BBS4: variants seen among roughly 807,000 people sequenced by gnomAD.
The protein encoded by BBS4 is BBSome complex member BBS4.
Under a neutral mutation model 71.4 loss-of-function variants are expected in BBS4, and 58 were observed. The ratio of observed to expected loss-of-function variants is 0.81; its 90% CI spans 0.66 to 1.01. The LOEUF (loss-of-function observed/expected upper bound fraction) is 1.01. Ranked by LOEUF, BBS4 falls within the 50% of genes least tolerant of loss-of-function variation. The pLI is 0.00. For synonymous variants in BBS4, 228 were observed against 216.8 expected (o/e 1.05, Z -0.46); for missense variants, 660 against 607.9 (o/e 1.09, Z -0.90).
At position 72,695,214 on chromosome 15, in the gene BBS4, C is replaced by G; in HGVS notation, c.62C>G (p.Pro21Arg). 6.2e-7 allele frequency: 1 copy of G among 1,603,568 alleles called. No homozygotes were observed. Among genetic ancestry groups the G allele is most frequent in the South Asian group, 1.1e-5 (1 of 90,748 alleles). ...CCTGTATCTACTGAGTCTCAAAAAC[C>G]CCGGCAGAAAAAAGGTCTGTATGCA... ...QFPVSTESQKPRQKKAPEFPI... is the reference protein window; with the variant it reads ...QFPVSTESQKRRQKKAPEFPI... Residue 21 changes from proline (P) to arginine (R), a missense_variant, in exon 2 of 16, where the codon CCC becomes CGC. Coordinates refer to ENST00000268057, the MANE Select transcript of BBS4 (RefSeq NM_033028.5).
At chr15:72,716,880 T>C (rs377167579) in intron 6 of BBS4, 30 bp downstream of exon 6, 5 of 1,484,394 alleles carry the variant, frequency 3.4e-6, no homozygotes, top group East Asian at 2.3e-5. Flanking sequence ...TTCTTTCTTA[T>C]TAGTAAACTT....
chr15:72,737,682 C>A lies in BBS4; in HGVS notation c.*95C>A, dbSNP rs1273973291. On this transcript the variant is annotated 3_prime_UTR_variant, in exon 16 of 16. Transcript: ENST00000268057. ...GACACAGGCAGAGCAGAGTGGCACCCACCACAGAATACAGTGTGTGTTATT... is the reference window on the plus strand; with the variant it reads ...GACACAGGCAGAGCAGAGTGGCACCAACCACAGAATACAGTGTGTGTTATT... 2 of 980,196 alleles carry A rather than the reference C, an allele frequency of 2.0e-6. No individual in the cohort carries two copies. The highest frequency in any genetic ancestry group is 2.8e-5 in the South Asian group (2 of 72,178). The allele number at this position is 980,196 out of a possible 1,614,324, so 60.7% of individuals were successfully genotyped here. A position where few individuals can be genotyped will look rare whatever the true frequency, so the allele number is the denominator to read the frequency against.
chr15:72,704,471 T>C lies in BBS4; in HGVS notation c.77-5229T>C, dbSNP rs180801662. 1,018 of 1,285,716 alleles carry C rather than the reference T, an allele frequency of 7.9e-4. 10 individuals carry two copies. The Middle Eastern group carries it at 0.026, about 32-fold the overall frequency. 79.6% of individuals were successfully genotyped at this position (1,285,716 alleles called of 1,614,324 possible). On this transcript the variant is annotated intron_variant, in intron 2 of 15. Coordinates refer to ENST00000268057, the MANE Select transcript of BBS4 (RefSeq NM_033028.5). ...TTTGGAATACCAGAAATTCAACTTA[T>C]ATATTTACAGGTAAAATTCTAATTG...
At position 72,737,886 on chromosome 15, in the gene BBS4, G is replaced by GCTGT. The variant is rs112757252; in HGVS notation, c.*303_*306dup. On this transcript the variant is annotated 3_prime_UTR_variant, in exon 16 of 16. Transcript: ENST00000268057. Reference sequence around the variant, plus strand: ...TAGCTGAGTCAGCAAGGTACATGATGCTGTCTGCTTTCAAAAGGACTTTTC... The same window carrying GCTGT: ...TAGCTGAGTCAGCAAGGTACATGATGCTGTCTGTCTGCTTTCAAAAGGACTTTTC... 1,882 of 468,638 alleles carry GCTGT rather than the reference G, an allele frequency of 4.0e-3. 36 individuals are homozygous for GCTGT. The highest frequency in any genetic ancestry group is 0.033 in the African/African-American group (1,693 of 50,734). The allele number at this position is 468,638 out of a possible 1,614,324, so 29.0% of individuals were successfully genotyped here. A position where few individuals can be genotyped will look rare whatever the true frequency, so the allele number is the denominator to read the frequency against.
At chr15:72,706,330 G>A (rs1372426496) in intron 2 of BBS4, among the ~76,000 whole-genome samples, 1 of 151,908 alleles carries the variant, frequency 6.6e-6, no homozygotes, top group Non-Finnish European at 1.5e-5. Context: ...TAGAGACTTG[G>A]TTTCATTGTG....
intron 6 of BBS4, 137 bp from the exon 7 acceptor site, chr15:72,722,657 T>C: frequency 1.4e-6 from 1 of 735,678 alleles, no homozygotes. Flanking sequence ...TGAACTCTAA[T>C]AAAAAGCTGA....
intron 10 of BBS4, among the ~76,000 whole-genome samples, chr15:72,730,466 C>T (rs755506899): frequency 1.3e-5 from 2 of 151,866 alleles, no homozygotes; most frequent in Non-Finnish European, 2.9e-5. Context: ...GTGGCACACA[C>T]CTGTAGTCCT....
chr15:72,728,602 G>A (rs1480765935), intron 9 of BBS4, among the ~76,000 whole-genome samples: 1 of 152,186 alleles, frequency 6.6e-6, no homozygotes, highest in East Asian at 1.9e-4. Flanking sequence ...ACAGATACAA[G>A]TGAGCACTTA....
chr15:72,734,103 G>C (rs2065877131), intron 12 of BBS4, among the ~76,000 whole-genome samples: 1 of 152,006 alleles, frequency 6.6e-6, no homozygotes, highest in Non-Finnish European at 1.5e-5. Context: ...CATTTTAATG[G>C]GATTGTATTC....
At chr15:72,703,010 C>CGT (rs34386047) in intron 2 of BBS4, among the ~76,000 whole-genome samples, 47 of 148,760 alleles carry the variant, frequency 3.2e-4, no homozygotes, top group Middle Eastern at 3.4e-3. Flanking sequence ...GGGGTTTCAC[C>CGT]TTTTTTTAGC....
At chr15:72,732,052 A>G (rs1196280755) in intron 12 of BBS4, among the ~76,000 whole-genome samples, 2 of 152,198 alleles carry the variant, frequency 1.3e-5, no homozygotes, top group Non-Finnish European at 2.9e-5. Flanking sequence ...GCAAGTGTTA[A>G]GAGCTTGGGT....
chr15:72,715,927 A>T (rs2065461255), intron 5 of BBS4, among the ~76,000 whole-genome samples: 2 of 152,216 alleles, frequency 1.3e-5, no homozygotes, highest in African/African-American at 4.8e-5. Flanking sequence ...AGTAAATTAC[A>T]TGAGATATTC....
intron 5 of BBS4, among the ~76,000 whole-genome samples, chr15:72,716,002 A>G (rs1378316955): frequency 6.6e-6 from 1 of 152,228 alleles, no homozygotes; most frequent in African/African-American, 2.4e-5. Context: ...AAATGTAGTT[A>G]AGAAAGTGGA....
rs781691906 is a variant in BBS4, at chr15:72,722,827, T to A, written c.439T>A (p.Tyr147Asn). 7 of 1,613,802 alleles carry A rather than the reference T, an allele frequency of 4.3e-6. No homozygotes were observed. Among genetic ancestry groups the A allele is most frequent in the Admixed American group, 1.7e-5 (1 of 60,010 alleles). ...ISHNLGVCYI[Y>N]LKQFNKAQDQ... is the part of the protein sequence containing the mutation. ...CCATAACCTAGGAGTTTGCTACATA[T>A]ACCTGAAGCAGTTCAACAAGGTAAT... The change falls in exon 7 of 16, where the codon TAC becomes AAC. Residue 147 changes from tyrosine (Y) to asparagine (N), a missense_variant. Coordinates refer to ENST00000268057, the MANE Select transcript of BBS4 (RefSeq NM_033028.5).
At chr15:72,709,817 A>C in intron 3 of BBS4, 38 bp downstream of exon 3, 1 of 1,562,826 alleles carries the variant, frequency 6.4e-7, no homozygotes, top group Non-Finnish European at 8.8e-7. Flanking sequence ...GAGAGGCAGG[A>C]TGTTGGGTAG....
chr15:72,687,175 A>G lies in BBS4; in HGVS notation c.24+924A>G, dbSNP rs374284425. Among the ~76,000 whole-genome samples the G allele has an allele frequency of 9.3e-5, 11 of 118,158 alleles. No individual in the cohort carries two copies. In the East Asian group the frequency reaches 1.1e-3, roughly 12 times the overall value. The allele number at this position is 118,158 out of a possible 152,430, so 77.5% of individuals were successfully genotyped here. On this transcript the variant is annotated intron_variant, in intron 1 of 15. Coordinates refer to ENST00000268057, the MANE Select transcript of BBS4 (RefSeq NM_033028.5). ...TGTTGTCGGCCCGGGCTGGAGTGCA[A>G]TGGCGCGATCTCGGCTCACTGCAAC...
chr15:72,699,476 A>T lies in BBS4; in HGVS notation c.76+4248A>T, dbSNP rs759217407. Among the ~76,000 whole-genome samples the T allele has an allele frequency of 1.1e-4, 16 of 152,262 alleles. No homozygotes were observed. The Middle Eastern group carries it at 0.01, about 97-fold the overall frequency. On this transcript the variant is annotated intron_variant, in intron 2 of 15. Coordinates refer to ENST00000268057, the MANE Select transcript of BBS4 (RefSeq NM_033028.5). ...TTTTTCCCTATTATTTTTAATTTCA[A>T]TGCTAGTAAATCTTTAAATCTGAAA...
rs551631979 is a variant in BBS4 at position 72,705,856 on chromosome 15, G to C, written c.77-3844G>C. Among the ~76,000 whole-genome samples the C allele has an allele frequency of 1.7e-4, 26 of 151,852 alleles. No homozygotes were observed. In the East Asian group the frequency reaches 1.7e-3, roughly 10 times the overall value. ...CACCTGGGCCTCCCAAAGTGCTGGG[G>C]TTACAGGCGTAAACCACTATAGCTA... On this transcript the variant is annotated intron_variant, in intron 2 of 15. Transcript: ENST00000268057.
At chr15:72,708,497 T>C (rs2065306055) in intron 2 of BBS4, among the ~76,000 whole-genome samples, 1 of 152,186 alleles carries the variant, frequency 6.6e-6, no homozygotes, top group African/African-American at 2.4e-5. Context: ...CTATGATAAT[T>C]GTGTTAACTG....
Sources: gnomAD v4.1 joint callset for allele counts (sites outside exome capture counted in the v4.1 genomes callset) on GRCh38, gnomAD v4.1.1 for gene constraint, MANE v1.5 for transcripts, NCBI Gene and HGNC (gene_info 2026-07-23, HGNC 2026-07-21) for gene names.